ZFHX3: variants seen among roughly 807,000 people sequenced by gnomAD.
The protein encoded by ZFHX3 is zinc finger homeobox protein 3.
A neutral mutation model predicts 279.1 loss-of-function variants in ZFHX3; 42 were observed. The observed-to-expected ratio is 0.15, with a 90% CI of 0.12 to 0.19. ZFHX3 has a LOEUF of 0.19. Ranked by LOEUF, ZFHX3 falls within the 10% of genes least tolerant of loss-of-function variation. ZFHX3 has a pLI of 1.00. For synonymous variants in ZFHX3, 2,293 were observed against 1,957.8 expected (o/e 1.17, Z -4.52); for missense variants, 4,981 against 4,754.0 (o/e 1.05, Z -1.40).
At chr16:73,399,755 G>C (rs1366366960) in intron 3 of ZFHX3, among the ~76,000 whole-genome samples, 1 of 152,024 alleles carries the variant, frequency 6.6e-6, no homozygotes, top group African/African-American at 2.4e-5. Context: ...ATGATTTTCA[G>C]AAGATGTAGC....
At chr16:73,326,815 C>T (rs571122094) in intron 3 of ZFHX3, among the ~76,000 whole-genome samples, 8 of 152,204 alleles carry the variant, frequency 5.3e-5, no homozygotes, top group Admixed American at 1.3e-4. Flanking sequence ...AAGCTATAGC[C>T]CCTATTTGGG....
intron 2 of ZFHX3, among the ~76,000 whole-genome samples, chr16:73,541,786 CTTTTTTTTTTTT>C (rs546761843): frequency 0.029 from 2,550 of 88,108 alleles, 79 homozygotes; most frequent in African/African-American, 0.066. Flanking sequence ...TGGTGGTTCT[CTTTTTTTTTTTT>C]TTTTTTTTTT....
At chr16:73,635,898 A>G (rs568766923) in intron 2 of ZFHX3, among the ~76,000 whole-genome samples, 4 of 152,336 alleles carry the variant, frequency 2.6e-5, no homozygotes, top group African/African-American at 9.6e-5. Context: ...TTTTCTGGAT[A>G]TGCATTTTCC....
intron 1 of ZFHX3, among the ~76,000 whole-genome samples, chr16:73,837,824 C>T (rs141436376): frequency 0.02 from 3,007 of 152,144 alleles, 43 homozygotes; most frequent in Non-Finnish European, 0.03. Context: ...TTAGTAGAAA[C>T]GGGGTTTCTC....
chr16:73,866,333 C>G (rs1189958718), intron 1 of ZFHX3, among the ~76,000 whole-genome samples: 4 of 151,824 alleles, frequency 2.6e-5, no homozygotes, highest in African/African-American at 9.7e-5. Flanking sequence ...TGCACGCCAC[C>G]ATGCCCAGCT....
At position 73,228,468 on chromosome 16, in the gene ZFHX3, G is replaced by A. The variant is rs571773934; in HGVS notation, c.-1104+28579C>T. Among the ~76,000 whole-genome samples the A allele has an allele frequency of 5.3e-5, 8 of 152,306 alleles. No homozygotes were observed. In the East Asian group the frequency reaches 1.5e-3, roughly 29 times the overall value. ...ATTCTAGGTCAGAAGTTCCAGACCA[G>A]CCTAGGCAACATGGTGAAACCTCAT... is the stretch of plus-strand genomic sequence containing the variant. On this transcript the variant is annotated intron_variant, in intron 5 of 17. Coordinates refer to the ZFHX3 transcript ENST00000641206.
intron 1 of ZFHX3, among the ~76,000 whole-genome samples, chr16:73,887,642 G>A (rs1195649179): frequency 6.6e-6 from 1 of 150,728 alleles, no homozygotes; most frequent in Non-Finnish European, 1.5e-5. Flanking sequence ...GGGCCAGGAA[G>A]AAACCAAAAA....
intron 3 of ZFHX3, among the ~76,000 whole-genome samples, chr16:73,353,236 T>C (rs921727918): frequency 2.6e-5 from 4 of 152,298 alleles, no homozygotes; most frequent in African/African-American, 7.2e-5. Context: ...TTCCCATTTG[T>C]TTAAAAACAC....
At chr16:73,748,902 C>T (rs984702943) in intron 1 of ZFHX3, among the ~76,000 whole-genome samples, 7 of 152,172 alleles carry the variant, frequency 4.6e-5, no homozygotes, top group African/African-American at 1.7e-4. Flanking sequence ...ATTCTCCTGC[C>T]TCAGCCTCCT....
intron 5 of ZFHX3, among the ~76,000 whole-genome samples, chr16:73,157,654 G>T (rs1273459872): frequency 6.6e-6 from 1 of 152,062 alleles, no homozygotes; most frequent in African/African-American, 2.4e-5. Flanking sequence ...AATTAAATCT[G>T]AATTGGATGG....
chr16:72,808,918 C>T (rs2036354216), intron 7 of ZFHX3, among the ~76,000 whole-genome samples: 1 of 152,178 alleles, frequency 6.6e-6, no homozygotes, highest in Non-Finnish European at 1.5e-5. Flanking sequence ...TGTTGTATAG[C>T]TTTCATGAGA....
chr16:73,728,544 G>A (rs2053541372), intron 1 of ZFHX3, among the ~76,000 whole-genome samples: 1 of 152,134 alleles, frequency 6.6e-6, no homozygotes, highest in African/African-American at 2.4e-5. Context: ...AATGTAATGT[G>A]TAGCCCGCAA....
intron 1 of ZFHX3, among the ~76,000 whole-genome samples, chr16:73,685,781 A>T (rs1177929040): frequency 6.6e-6 from 1 of 152,212 alleles, no homozygotes; most frequent in Non-Finnish European, 1.5e-5. Context: ...ACAACCCTTG[A>T]GCAGGCTGAG....
At chr16:73,626,570 G>C (rs577340204) in intron 2 of ZFHX3, among the ~76,000 whole-genome samples, 1 of 152,290 alleles carries the variant, frequency 6.6e-6, no homozygotes, top group African/African-American at 2.4e-5. Flanking sequence ...AGTGATGTGA[G>C]ATGATATCCA....
intron 4 of ZFHX3, among the ~76,000 whole-genome samples, chr16:72,862,595 A>T (rs2037914637): frequency 6.6e-6 from 1 of 152,242 alleles, no homozygotes; most frequent in African/African-American, 2.4e-5. Context: ...TCAGTGAGAC[A>T]TGTATCTCCT....
intron 1 of ZFHX3, among the ~76,000 whole-genome samples, chr16:73,685,615 G>A (rs766811901): frequency 2.6e-5 from 4 of 152,132 alleles, no homozygotes; most frequent in East Asian, 1.9e-4. Context: ...CCAAGTTTGC[G>A]GTAGCATGCA....
intron 5 of ZFHX3, among the ~76,000 whole-genome samples, chr16:73,249,145 C>T (rs2013404068): frequency 6.6e-6 from 1 of 152,186 alleles, no homozygotes; most frequent in African/African-American, 2.4e-5. Context: ...CTTGCAGACA[C>T]ATTTTCAGTG....
chr16:73,454,439 T>A (rs2018335790), intron 3 of ZFHX3, among the ~76,000 whole-genome samples: 1 of 152,180 alleles, frequency 6.6e-6, no homozygotes, highest in Admixed American at 6.5e-5. Context: ...GAGGAGTTCA[T>A]TCGTGTTCTT....
chr16:73,711,719 A>C (rs2053365028), intron 1 of ZFHX3, among the ~76,000 whole-genome samples: 2 of 152,234 alleles, frequency 1.3e-5, no homozygotes, highest in African/African-American at 4.8e-5. Context: ...AGAAACAATA[A>C]TTATTTTCAG....
Sources: gnomAD v4.1 joint callset for allele counts (sites outside exome capture counted in the v4.1 genomes callset) on GRCh38, gnomAD v4.1.1 for gene constraint, MANE v1.5 for transcripts, NCBI Gene and HGNC (gene_info 2026-07-23, HGNC 2026-07-21) for gene names.